CDK17: variants seen among roughly 807,000 people sequenced by gnomAD.
CDK17 encodes the protein cyclin dependent kinase 17, also known as cyclin-dependent kinase 17.
In CDK17, 24 loss-of-function variants were observed where a neutral mutation model predicts 77.6. The ratio of observed to expected loss-of-function variants is 0.31; its 90% CI spans 0.22 to 0.44. CDK17 has a LOEUF of 0.44. Among genes scored for constraint, CDK17 ranks in the 20% least tolerant of loss-of-function variants. The pLI is 1.00. For synonymous variants in CDK17, 203 were observed against 210.4 expected, an observed-to-expected ratio of 0.96 and a Z score of 0.30; for missense variants, 429 against 622.5, an observed-to-expected ratio of 0.69 and a Z score of 3.31.
At chr12:96,322,563 T>A (rs1321370494) in intron 3 of CDK17, among the ~76,000 whole-genome samples, 1 of 151,610 alleles carries the variant, frequency 6.6e-6, no homozygotes, top group East Asian at 1.9e-4. Flanking sequence ...ATCTGTAGTG[T>A]TTTCTGACTT....
At chr12:96,283,579 C>T in intron 14 of CDK17, 24 bp downstream of exon 14, 1 of 1,476,274 alleles carries the variant, frequency 6.8e-7, no homozygotes, top group South Asian at 1.1e-5. Flanking sequence ...ACCTATTTAA[C>T]AATTACTGTA....
At chr12:96,329,211 G>T (rs1952933819) in intron 2 of CDK17, among the ~76,000 whole-genome samples, 1 of 152,172 alleles carries the variant, frequency 6.6e-6, no homozygotes, top group Middle Eastern at 3.4e-3. Context: ...TTATAGACAT[G>T]GGTAGCAGTG....
At chr12:96,343,288 C>G (rs907795245) in intron 1 of CDK17, among the ~76,000 whole-genome samples, 17 of 152,326 alleles carry the variant, frequency 1.1e-4, no homozygotes, top group African/African-American at 3.4e-4. Context: ...GGCTGCTGAT[C>G]TTGACTCACA....
intron 1 of CDK17, among the ~76,000 whole-genome samples, chr12:96,371,838 C>G (rs1030835729): frequency 2.0e-5 from 3 of 152,108 alleles, no homozygotes; most frequent in African/African-American, 7.2e-5. Flanking sequence ...TATGTATTGC[C>G]TCTTATGTTT....
intron 2 of CDK17, 21 bp downstream of exon 2, chr12:96,334,698 C>A (rs776168868): frequency 1.3e-5 from 17 of 1,266,194 alleles, no homozygotes; most frequent in Middle Eastern, 3.7e-4. Flanking sequence ...GGAAGCATCT[C>A]CCCCTATGCC....
At chr12:96,301,228 C>G (rs531643117) in intron 5 of CDK17, among the ~76,000 whole-genome samples, 9 of 135,342 alleles carry the variant, frequency 6.6e-5, no homozygotes, top group African/African-American at 2.6e-4. Context: ...TACACCCCCC[C>G]TCAACACTCG....
chr12:96,308,471 G>A (rs2137099829), intron 5 of CDK17, among the ~76,000 whole-genome samples: 1 of 151,736 alleles, frequency 6.6e-6, no homozygotes, highest in Middle Eastern at 3.4e-3. Flanking sequence ...GCTCACCCCT[G>A]TAATCCCAGC....
intron 11 of CDK17, among the ~76,000 whole-genome samples, chr12:96,287,447 T>C (rs1402039775): frequency 6.6e-6 from 1 of 152,158 alleles, no homozygotes; most frequent in African/African-American, 2.4e-5. Context: ...ACATATTAAG[T>C]GTTATATAGA....
intron 1 of CDK17, among the ~76,000 whole-genome samples, chr12:96,357,433 G>A (rs1953413353): frequency 1.3e-5 from 2 of 152,202 alleles, no homozygotes; most frequent in Non-Finnish European, 2.9e-5. Flanking sequence ...CAACCTGGGA[G>A]ACAAAGTGAG....
chr12:96,360,348 A>T (rs1205721344), intron 1 of CDK17, among the ~76,000 whole-genome samples: 1 of 152,210 alleles, frequency 6.6e-6, no homozygotes, highest in East Asian at 1.9e-4. Context: ...TCCCTGGAAC[A>T]GTTTTACAAG....
chr12:96,388,249 T>C (rs1409812290), intron 1 of CDK17, among the ~76,000 whole-genome samples: 2 of 152,204 alleles, frequency 1.3e-5, no homozygotes, highest in East Asian at 3.8e-4. Context: ...GGAAAATGGT[T>C]CAAAGAAATA....
At chr12:96,297,865 AG>A in intron 7 of CDK17, 144 bp from the exon 8 acceptor site, 1 of 475,842 alleles carries the variant, frequency 2.1e-6, no homozygotes, top group Non-Finnish European at 3.7e-6. Flanking sequence ...AGCACTTTTG[AG>A]AGACCGAGGC....
At chr12:96,296,712 T>C (rs1952412271) in intron 9 of CDK17, among the ~76,000 whole-genome samples, 1 of 152,238 alleles carries the variant, frequency 6.6e-6, no homozygotes, top group South Asian at 2.1e-4. Context: ...TTGGGTATCA[T>C]CTGGCACTGA....
At chr12:96,313,287 T>A in intron 4 of CDK17, 34 bp downstream of exon 4, 6 of 1,535,256 alleles carry the variant, frequency 3.9e-6, no homozygotes, top group Non-Finnish European at 4.4e-6. Flanking sequence ...AACACACATA[T>A]TCACAAGTAT....
At chr12:96,305,765 C>T (rs995968110) in intron 5 of CDK17, among the ~76,000 whole-genome samples, 18 of 152,104 alleles carry the variant, frequency 1.2e-4, no homozygotes, top group African/African-American at 4.3e-4. Context: ...GTCGACAAGG[C>T]TGGAGTGCAG....
chr12:96,345,531 A>G (rs1328144775), intron 1 of CDK17, among the ~76,000 whole-genome samples: 5 of 152,238 alleles, frequency 3.3e-5, no homozygotes, highest in African/African-American at 1.2e-4. Flanking sequence ...GACTGGTGTG[A>G]GATGTTATCT....
chr12:96,357,940 T>C (rs1470597267), intron 1 of CDK17, among the ~76,000 whole-genome samples: 1 of 152,104 alleles, frequency 6.6e-6, no homozygotes, highest in Non-Finnish European at 1.5e-5. Flanking sequence ...ACAGACCAGA[T>C]AATAGGTAAC....
chr12:96,397,258 C>A (rs1255088984), intron 1 of CDK17, among the ~76,000 whole-genome samples: 1 of 151,912 alleles, frequency 6.6e-6, no homozygotes, highest in Non-Finnish European at 1.5e-5. Context: ...CATAGCTATC[C>A]CTGTGCTACC....
chr12:96,353,625 A>G (rs1953348292), intron 1 of CDK17, among the ~76,000 whole-genome samples: 1 of 151,020 alleles, frequency 6.6e-6, no homozygotes, highest in Non-Finnish European at 1.5e-5. Flanking sequence ...CGCGGGTACA[A>G]ATATTTTAGT....
Sources: gnomAD v4.1 joint callset for allele counts (sites outside exome capture counted in the v4.1 genomes callset) on GRCh38, gnomAD v4.1.1 for gene constraint, MANE v1.5 for transcripts, NCBI Gene and HGNC (gene_info 2026-07-23, HGNC 2026-07-21) for gene names.